The following PLEKHA6 variants were observed in gnomAD, a reference collection of about 807,000 sequenced individuals.
PLEKHA6 encodes pleckstrin homology domain-containing family A member 6.
In PLEKHA6, 60 loss-of-function variants were observed where a neutral mutation model predicts 116.7. The ratio of observed to expected loss-of-function variants is 0.51; its 90% CI spans 0.42 to 0.64. PLEKHA6 has a LOEUF of 0.64. Ranked by LOEUF, PLEKHA6 falls within the 30% of genes least tolerant of loss-of-function variation. PLEKHA6 has a pLI of 0.00. For synonymous variants in PLEKHA6, 489 were observed against 556.1 expected, an observed-to-expected ratio of 0.88 and a Z score of 1.70; for missense variants, 1,338 against 1,422.7, an observed-to-expected ratio of 0.94 and a Z score of 0.96.
intron 17 of PLEKHA6, among the ~76,000 whole-genome samples, chr1:204,239,548 A>G (rs1311188467): frequency 2.6e-5 from 4 of 152,176 alleles, no homozygotes; most frequent in African/African-American, 9.7e-5. Flanking sequence ...ATCCACCGTC[A>G]TGGTATTCCA....
chr1:204,280,975 T>C (rs1668532062), intron 1 of PLEKHA6: 1 of 982,296 alleles, frequency 1.0e-6, no homozygotes, highest in Non-Finnish European at 1.2e-6. Flanking sequence ...TCAAAGAGGG[T>C]CAGGCCCTGG....
At position 204,365,948 on chromosome 1, in the gene PLEKHA6, A is replaced by C. The variant is rs528519839; in HGVS notation, c.218+1851T>G. Among the ~76,000 whole-genome samples, 5 of 152,304 alleles carry C rather than the reference A, an allele frequency of 3.3e-5. No homozygotes were observed. In the East Asian group the frequency reaches 9.6e-4, roughly 29 times the overall value. The stretch of plus-strand genomic sequence containing the variant: ...GAGGAGGTGACATGGGCTAATCGAG[A>C]AGTCGGAACCAGGTGTGTGGAAATG... On this transcript the variant is annotated intron_variant, in intron 3 of 4. Coordinates refer to the PLEKHA6 transcript ENST00000564627.
chr1:204,228,000 C>G (rs1660601710), intron 21 of PLEKHA6, 83 bp downstream of exon 21: 2 of 1,406,604 alleles, frequency 1.4e-6, no homozygotes, highest in Non-Finnish European at 1.9e-6. Flanking sequence ...TACTGCCCCC[C>G]TTGTAGCAGT....
chr1:204,338,043 C>G (rs1240442713), intron 1 of PLEKHA6, among the ~76,000 whole-genome samples: 1 of 152,224 alleles, frequency 6.6e-6, no homozygotes, highest in Non-Finnish European at 1.5e-5. Context: ...TCTCCATTTA[C>G]AGATGAGGAA....
chr1:204,258,568 G>A (rs1665666940), intron 8 of PLEKHA6, among the ~76,000 whole-genome samples: 1 of 152,216 alleles, frequency 6.6e-6, no homozygotes, highest in South Asian at 2.1e-4. Flanking sequence ...CCACTAGAGG[G>A]CAGGTTCCTC....
intron 1 of PLEKHA6, among the ~76,000 whole-genome samples, chr1:204,296,423 T>C (rs541054334): frequency 6.6e-6 from 1 of 152,294 alleles, no homozygotes; most frequent in African/African-American, 2.4e-5. Flanking sequence ...AGATTTTGCA[T>C]GCCTTCCCCT....
intron 1 of PLEKHA6, among the ~76,000 whole-genome samples, chr1:204,306,911 C>A (rs1461264481): frequency 6.6e-6 from 1 of 152,214 alleles, no homozygotes; most frequent in East Asian, 1.9e-4. Flanking sequence ...CCTCTGGATA[C>A]ACATGGGTTG....
chr1:204,355,252 A>T (rs1382545987), intron 1 of PLEKHA6, among the ~76,000 whole-genome samples: 2 of 152,228 alleles, frequency 1.3e-5, no homozygotes, highest in Admixed American at 6.5e-5. Context: ...GCTCAGCAGG[A>T]TTCTATGTGC....
rs559742816 is a variant in PLEKHA6, at chr1:204,242,176, A to G, written c.2173-362T>C. ...GATCCTGTAGGGAATCCTACCCAAGACATGAGCAAACAGAACCAGGCGGGC... is the reference window on the plus strand; with the variant it reads ...GATCCTGTAGGGAATCCTACCCAAGGCATGAGCAAACAGAACCAGGCGGGC... On this transcript the variant is annotated intron_variant, in intron 15 of 22. Coordinates refer to ENST00000272203, the MANE Select transcript of PLEKHA6 (RefSeq NM_014935.5). Among the ~76,000 whole-genome samples the G allele has an allele frequency of 4.6e-5, 7 of 152,274 alleles. 1 individual carries two copies. The South Asian group carries it at 1.5e-3, about 32-fold the overall frequency.
At chr1:204,295,014 A>G (rs1670134314) in intron 1 of PLEKHA6, among the ~76,000 whole-genome samples, 1 of 152,222 alleles carries the variant, frequency 6.6e-6, no homozygotes, top group Admixed American at 6.5e-5. Flanking sequence ...TTATCCATCA[A>G]GATAGTACCC....
chr1:204,318,744 G>T (rs1056619642), intron 1 of PLEKHA6, among the ~76,000 whole-genome samples: 3 of 152,194 alleles, frequency 2.0e-5, no homozygotes, highest in Non-Finnish European at 4.4e-5. Flanking sequence ...TTAAGTACTC[G>T]TTTAATTTGA....
Position 204,238,660 on chromosome 1 carries a change from C to G in PLEKHA6, c.2409+2715G>C, listed in dbSNP as rs1662391742. On this transcript the variant is annotated intron_variant, in intron 17 of 22. Transcript: ENST00000272203. This position sits in a 1 kb window ranked among gnomAD's most constrained non-coding sequence, Gnocchi z 4.2. ...ATGCCCATGGCCTCCACTCCTGCCA[C>G]CATGCCTTCTCTCCCCTACCCTGCA... Among the ~76,000 whole-genome samples, 1 of 152,212 alleles carries G rather than the reference C, an allele frequency of 6.6e-6. No individual in the cohort carries two copies. Among genetic ancestry groups the G allele is most frequent in the South Asian group, 2.1e-4 (1 of 4,832 alleles).
rs186540987 is a variant in PLEKHA6, at chr1:204,262,804, A to G, written c.382-1356T>C. 3.3e-5 allele frequency among the ~76,000 whole-genome samples: 5 copies of G among 152,214 alleles called. No homozygotes were observed. The East Asian group carries it at 7.7e-4, about 24-fold the overall frequency. Reference sequence around the variant, plus strand: ...CCCTCCAGCAGAGGGCTTAGCATGTAGGTGTGGGAGAGGGCAGGGGAGGTG... The same window carrying G: ...CCCTCCAGCAGAGGGCTTAGCATGTGGGTGTGGGAGAGGGCAGGGGAGGTG... On this transcript the variant is annotated intron_variant, in intron 6 of 22. Coordinates refer to ENST00000272203, the MANE Select transcript of PLEKHA6 (RefSeq NM_014935.5).
chr1:204,301,970 T>A (rs764129792), intron 1 of PLEKHA6, among the ~76,000 whole-genome samples: 5 of 152,206 alleles, frequency 3.3e-5, no homozygotes, highest in Non-Finnish European at 7.3e-5. Context: ...TGAGAAGACC[T>A]AGTCCATCCT....
At chr1:204,320,588 G>T in intron 1 of PLEKHA6, 1 of 598,062 alleles carries the variant, frequency 1.7e-6, no homozygotes, top group Non-Finnish European at 2.1e-6. Context: ...GGAAACTTTC[G>T]GTCAGCCCTG....
intron 17 of PLEKHA6, 71 bp downstream of exon 17, chr1:204,241,304 A>C (rs895135133): frequency 2.2e-6 from 2 of 897,342 alleles, no homozygotes; most frequent in Non-Finnish European, 3.6e-6. Context: ...GAGGGAGATG[A>C]GTAGGTACAC....
Position 204,268,303 on chromosome 1 carries a change from T to C in PLEKHA6, c.112A>G (p.Thr38Ala). ...CCAAAGGCGACGGCTTTGCGGGCTGTGCGAGTTGCCTGGGGGCAGAGAGAG... is the reference window on the plus strand; with the variant it reads ...CCAAAGGCGACGGCTTTGCGGGCTGCGCGAGTTGCCTGGGGGCAGAGAGAG... ...PERPSVRATR[T>A]ARKAVAFGKR... The change falls in exon 4 of 23, where the codon ACA becomes GCA. Residue 38 changes from threonine to alanine, a missense_variant. Around this residue, in one of 3 missense-constraint regions of PLEKHA6, gnomAD observed 62 missense variants for 61.7 expected, o/e 1.01. Transcript: ENST00000272203. 6.2e-7 allele frequency: 1 copy of C among 1,607,050 alleles called. No homozygotes were observed. Among genetic ancestry groups the C allele is most frequent in the Non-Finnish European group, 8.5e-7 (1 of 1,176,526 alleles).
At chr1:204,361,088 T>G (rs1673548440), upstream of PLEKHA6, among the ~76,000 whole-genome samples, 1 of 152,118 alleles carries the variant, frequency 6.6e-6, no homozygotes, top group African/African-American at 2.4e-5. Flanking sequence ...ACCTGGAAAC[T>G]GGGGACTGAA....
At chr1:204,328,212 T>A (rs568533050) in intron 1 of PLEKHA6, among the ~76,000 whole-genome samples, 58 of 151,276 alleles carry the variant, frequency 3.8e-4, no homozygotes, top group African/African-American at 1.4e-3. Flanking sequence ...CCTCCTGAGT[T>A]GCTGGGATTA....
Sources: allele counts gnomAD v4.1 joint callset (sites outside exome capture counted in the v4.1 genomes callset), GRCh38; gene constraint gnomAD v4.1.1; regional missense constraint gnomAD v4.1.1; non-coding constraint Gnocchi (gnomAD v3.1); transcripts MANE v1.5; gene names NCBI Gene and HGNC (gene_info 2026-07-23, HGNC 2026-07-21).